Variants in PCDHGA1 observed in about 807,000 individuals in gnomAD.
The protein encoded by PCDHGA1 is protocadherin gamma subfamily A, 1, also known as protocadherin gamma-A1.
In PCDHGA1, 32 loss-of-function variants were observed where a neutral mutation model predicts 58.0. The ratio of observed to expected loss-of-function variants is 0.55; its 90% confidence interval spans 0.42 to 0.74. The LOEUF is 0.74. Among genes scored for constraint, PCDHGA1 ranks in the 30% least tolerant of loss-of-function variants. PCDHGA1 has a pLI of 0.00. For synonymous variants in PCDHGA1, 498 were observed against 501.1 expected, an observed-to-expected ratio of 0.99 and a Z score of 0.08; for missense variants, 1,205 against 1,182.3, an observed-to-expected ratio of 1.02 and a Z score of -0.28.
At chr5:141,388,405 C>A in intron 1 of PCDHGA1, 1 of 1,613,892 alleles carries the variant, frequency 6.2e-7, no homozygotes, top group Non-Finnish European at 8.5e-7. Context: ...CAACTCAGTC[C>A]CAGTGATCAT....
chr5:141,383,440 G>A, intron 1 of PCDHGA1: 1 of 1,613,950 alleles, frequency 6.2e-7, no homozygotes, highest in Non-Finnish European at 8.5e-7. Context: ...CTTCTCCCTG[G>A]CTGTGCAAAG....
At chr5:141,502,134 C>T (rs566073996) in intron 2 of PCDHGA1, among the ~76,000 whole-genome samples, 10 of 152,288 alleles carry the variant, frequency 6.6e-5, no homozygotes, top group African/African-American at 2.2e-4. Flanking sequence ...AGAGCTCAGT[C>T]GGGCCGGAAG....
chr5:141,423,234 C>T, intron 1 of PCDHGA1: 1 of 1,613,918 alleles, frequency 6.2e-7, no homozygotes, highest in South Asian at 1.1e-5. Context: ...CCGACAGCAT[C>T]CCCGAAGTCC....
rs772884830 is a variant in PCDHGA1 at position 141,491,791 on chromosome 5, C to T, written c.2422-3016C>T. ...TAAGGGATTGAACTTGCATCCACTCCTCTCCGGCCGGCTTGGTCGCTGGCT... is the reference window on the plus strand; with the variant it reads ...TAAGGGATTGAACTTGCATCCACTCTTCTCCGGCCGGCTTGGTCGCTGGCT... On this transcript the variant is annotated intron_variant, in intron 1 of 3. Coordinates refer to ENST00000517417, the MANE Select transcript of PCDHGA1 (RefSeq NM_018912.3). This position sits in a 1 kb window ranked among gnomAD's most constrained non-coding sequence, Gnocchi z 6.9. The T allele has an allele frequency of 3.3e-6, 5 of 1,518,376 alleles. No homozygotes were observed. In the African/African-American group the frequency reaches 4.2e-5, roughly 13 times the overall value. The allele number at this position is 1,518,376 out of a possible 1,614,324, so 94.1% of individuals were successfully genotyped here.
intron 1 of PCDHGA1, chr5:141,342,324 C>A (rs1757148611): frequency 1.3e-5 from 2 of 152,142 alleles, no homozygotes; most frequent in Non-Finnish European, 1.5e-5. Flanking sequence ...ATCCCAGTGC[C>A]CCTCTGATCA....
intron 1 of PCDHGA1, chr5:141,422,210 T>C: frequency 6.4e-7 from 1 of 1,562,390 alleles, no homozygotes; most frequent in South Asian, 1.2e-5. Flanking sequence ...GGTGGAGGTC[T>C]CTTTACCACC....
At chr5:141,509,908 G>A (rs376035312) in intron 3 of PCDHGA1, among the ~76,000 whole-genome samples, 1 of 152,164 alleles carries the variant, frequency 6.6e-6, no homozygotes, top group African/African-American at 2.4e-5. Flanking sequence ...TCCAGCATGC[G>A]CTTAGGTACA....
At chr5:141,413,870 T>A (rs2095687151) in intron 1 of PCDHGA1, 1 of 1,613,268 alleles carries the variant, frequency 6.2e-7, no homozygotes, top group Admixed American at 1.7e-5. Context: ...ACTGTCCTTG[T>A]CAGTGTGACT....
intron 1 of PCDHGA1, chr5:141,394,309 C>T (rs2092971552): frequency 6.2e-7 from 1 of 1,613,992 alleles, no homozygotes; most frequent in Non-Finnish European, 8.5e-7. Flanking sequence ...CTGCAGGGGG[C>T]GCCCCTGTCC....
At chr5:141,344,157 G>A (rs928955650) in intron 1 of PCDHGA1, 2 of 1,614,056 alleles carry the variant, frequency 1.2e-6, no homozygotes, top group Non-Finnish European at 1.7e-6. Context: ...GCTAGATAAA[G>A]GTTCCTTCGT....
chr5:141,506,847 T>C lies in PCDHGA1; in HGVS notation c.2569+1366T>C, dbSNP rs146737657. ...GAACTGATAGCCCTGCCCTCCAGCA[T>C]GTCTGGAGGACTGGTGGGTAGAGAA... On this transcript the variant is annotated intron_variant, in intron 3 of 3. Coordinates refer to ENST00000517417, the MANE Select transcript of PCDHGA1 (RefSeq NM_018912.3). 3.7e-3 allele frequency among the ~76,000 whole-genome samples: 564 copies of C among 152,318 alleles called. 5 individuals are homozygous for C. Among genetic ancestry groups the C allele is most frequent in the Admixed American group, 0.011 (164 of 15,302 alleles).
At chr5:141,417,993 C>A in intron 1 of PCDHGA1, 1 of 1,613,830 alleles carries the variant, frequency 6.2e-7, no homozygotes, top group Non-Finnish European at 8.5e-7. Flanking sequence ...GCCAAGGGCT[C>A]GGTGGTGGGG....
intron 1 of PCDHGA1, chr5:141,387,909 G>C (rs1383616266): frequency 8.0e-6 from 12 of 1,498,886 alleles, no homozygotes; most frequent in Non-Finnish European, 1.1e-5. Flanking sequence ...CGGGGAGCTG[G>C]GCCGGGCTGA....
At chr5:141,395,437 G>T in intron 1 of PCDHGA1, 1 of 668,370 alleles carries the variant, frequency 1.5e-6, no homozygotes, top group Non-Finnish European at 2.4e-6. Context: ...TAAACGACTT[G>T]GAAAAGATTG....
intron 1 of PCDHGA1, chr5:141,339,448 T>C: frequency 1.2e-6 from 2 of 1,614,206 alleles, no homozygotes; most frequent in Non-Finnish European, 1.7e-6. Flanking sequence ...ATGCGCATGA[T>C]GCAGACGTAG....
intron 1 of PCDHGA1, chr5:141,370,755 G>C: frequency 6.2e-7 from 1 of 1,613,972 alleles, no homozygotes; most frequent in South Asian, 1.1e-5. Flanking sequence ...TCATGTAACT[G>C]TGCTGATCCA....
intron 1 of PCDHGA1, among the ~76,000 whole-genome samples, chr5:141,484,306 C>T (rs1009067603): frequency 6.6e-6 from 1 of 152,184 alleles, no homozygotes; most frequent in African/African-American, 2.4e-5. Context: ...GCTTCCTCCA[C>T]CCCGCTTCCA....
At chr5:141,369,551 T>G (rs1335245789) in intron 1 of PCDHGA1, among the ~76,000 whole-genome samples, 1 of 152,156 alleles carries the variant, frequency 6.6e-6, no homozygotes, top group Non-Finnish European at 1.5e-5. Context: ...AAGTAGACAC[T>G]TGGAAACAAA....
chr5:141,491,006 T>C lies in PCDHGA1; in HGVS notation c.2422-3801T>C. The C allele has an allele frequency of 6.2e-7, 1 of 1,614,062 alleles. No homozygotes were observed. Among genetic ancestry groups the C allele is most frequent in the Non-Finnish European group, 8.5e-7 (1 of 1,180,028 alleles). ...CGCTCTGCTCCTCCTGGCTCCTTGG[T>C]CACCAAGGTGACAGCCGTGGATGCT... On this transcript the variant is annotated intron_variant, in intron 1 of 3. Transcript: ENST00000517417. This position sits in a 1 kb window ranked among gnomAD's most constrained non-coding sequence, Gnocchi z 6.9.
Sources: gnomAD v4.1 joint callset for allele counts (sites outside exome capture counted in the v4.1 genomes callset) on GRCh38, gnomAD v4.1.1 for gene constraint, Gnocchi (gnomAD v3.1) non-coding constraint, MANE v1.5 for transcripts, NCBI Gene and HGNC (gene_info 2026-07-23, HGNC 2026-07-21) for gene names.